The following AKR1C8 variants were observed in gnomAD, a reference collection of about 807,000 sequenced individuals.
AKR1C8 encodes aldo-keto reductase family 1 member C8, also known as aldo-keto reductase family 1 member C-like protein 1.
chr10:5,169,682 C>G, the AKR1C8 span, among the ~76,000 whole-genome samples: 1 of 151,604 alleles, frequency 6.6e-6, no homozygotes, highest in East Asian at 1.9e-4. Context: ...ATCAGATATT[C>G]CATCCTGAGG....
At chr10:5,117,389 C>T in the AKR1C8 span, among the ~76,000 whole-genome samples, 1 of 152,068 alleles carries the variant, frequency 6.6e-6, no homozygotes, top group Non-Finnish European at 1.5e-5. Flanking sequence ...AACATATCCA[C>T]CCTCAATCGA....
chr10:5,123,933 T>G, the AKR1C8 span: 1 of 1,124,898 alleles, frequency 8.9e-7, no homozygotes, highest in Admixed American at 2.9e-5. Context: ...GCATCAAATT[T>G]GAACTGACAA....
chr10:5,171,766 C>CA, the AKR1C8 span, among the ~76,000 whole-genome samples: 1 of 152,022 alleles, frequency 6.6e-6, no homozygotes, highest in African/African-American at 2.4e-5. Context: ...TAACCTTAGC[C>CA]AATATGTTTA....
chr10:5,166,606 T>A, the AKR1C8 span, among the ~76,000 whole-genome samples: 1 of 152,134 alleles, frequency 6.6e-6, no homozygotes, highest in Non-Finnish European at 1.5e-5. Context: ...TGAAACTGGA[T>A]CCCTTCCTTA....
At chr10:5,166,150 A>G in the AKR1C8 span, among the ~76,000 whole-genome samples, 2 of 152,244 alleles carry the variant, frequency 1.3e-5, no homozygotes, top group African/African-American at 4.8e-5. Context: ...TCTCAAGTGC[A>G]TTCTGAAGCA....
chr10:5,152,379 C>A, the AKR1C8 span, among the ~76,000 whole-genome samples: 1 of 152,150 alleles, frequency 6.6e-6, no homozygotes, highest in Non-Finnish European at 1.5e-5. Flanking sequence ...ATTTTTTAAG[C>A]AAACTGATCT....
At chr10:5,137,919 AG>A in the AKR1C8 span, among the ~76,000 whole-genome samples, 5 of 152,144 alleles carry the variant, frequency 3.3e-5, no homozygotes, top group African/African-American at 9.6e-5. Context: ...CATGCTTCAA[AG>A]GGCAAAAAGC....
the AKR1C8 span, among the ~76,000 whole-genome samples, chr10:5,171,703 A>G: frequency 0.78 from 119,026 of 151,894 alleles, 46,793 homozygotes; most frequent in African/African-American, 0.83. Flanking sequence ...AGAAAAACCC[A>G]TTGTGCTTTT....
chr10:5,177,945 A>G, the AKR1C8 span, among the ~76,000 whole-genome samples: 5 of 152,132 alleles, frequency 3.3e-5, no homozygotes, highest in Middle Eastern at 3.4e-3. Flanking sequence ...TGGATTCATT[A>G]ATTTTTTGAA....
At chr10:5,175,656 A>G in the AKR1C8 span, among the ~76,000 whole-genome samples, 1 of 152,118 alleles carries the variant, frequency 6.6e-6, no homozygotes, top group African/African-American at 2.4e-5. Flanking sequence ...TGACTTTTTA[A>G]TGATTGCCAT....
At chr10:5,131,841 G>A in the AKR1C8 span, among the ~76,000 whole-genome samples, 1 of 151,982 alleles carries the variant, frequency 6.6e-6, no homozygotes, top group Non-Finnish European at 1.5e-5. Context: ...CCCACTACTG[G>A]CATCTATCAA....
At chr10:5,169,461 G>T in the AKR1C8 span, among the ~76,000 whole-genome samples, 1 of 152,138 alleles carries the variant, frequency 6.6e-6, no homozygotes, top group East Asian at 1.9e-4. Flanking sequence ...TTTTGGAAAA[G>T]ATTAATTAAG....
chr10:5,166,970 AAAGGATATG>A, the AKR1C8 span, among the ~76,000 whole-genome samples: 2 of 151,918 alleles, frequency 1.3e-5, no homozygotes, highest in Non-Finnish European at 2.9e-5. Flanking sequence ...AAAAGTGGGC[AAAGGATATG>A]AAGAGACGCT....
the AKR1C8 span, among the ~76,000 whole-genome samples, chr10:5,166,465 G>A: frequency 6.6e-6 from 1 of 152,104 alleles, no homozygotes; most frequent in Admixed American, 6.5e-5. Context: ...ACAGAACAGA[G>A]CCCTCAGAAA....
chr10:5,164,382 G>T, the AKR1C8 span, among the ~76,000 whole-genome samples: 8 of 151,684 alleles, frequency 5.3e-5, no homozygotes. Flanking sequence ...CTCACCCTTT[G>T]TGTCCACAAT....
At chr10:5,125,387 C>A in the AKR1C8 span, among the ~76,000 whole-genome samples, 1 of 152,044 alleles carries the variant, frequency 6.6e-6, no homozygotes, top group Non-Finnish European at 1.5e-5. Flanking sequence ...AAGCTACCCA[C>A]CCTGGTAGCT....
chr10:5,162,749 A>C, the AKR1C8 span: 23 of 384,170 alleles, frequency 6.0e-5, no homozygotes, highest in Non-Finnish European at 1.2e-4. Flanking sequence ...CCTTCATAAT[A>C]TTAGGAGGTA....
At chr10:5,141,892 T>C in the AKR1C8 span, among the ~76,000 whole-genome samples, 2 of 152,124 alleles carry the variant, frequency 1.3e-5, no homozygotes. Flanking sequence ...TCACCAGGAA[T>C]GGGAGCTACT....
chr10:5,152,179 C>T, the AKR1C8 span, among the ~76,000 whole-genome samples: 1 of 152,044 alleles, frequency 6.6e-6, no homozygotes, highest in African/African-American at 2.4e-5. Flanking sequence ...TTGCAGCCCA[C>T]AAAGAATTTG....
Sources: gnomAD v4.1 joint callset for allele counts (sites outside exome capture counted in the v4.1 genomes callset) on GRCh38, gnomAD v4.1.1 for gene constraint, MANE v1.5 for transcripts, NCBI Gene and HGNC (gene_info 2026-07-23, HGNC 2026-07-21) for gene names.